The following ALDH3B1 variants were observed in gnomAD, a reference collection of about 807,000 sequenced individuals.
ALDH3B1 encodes the protein aldehyde dehydrogenase family 3 member B1.
Under a neutral mutation model 46.2 loss-of-function variants are expected in ALDH3B1, and 37 were observed. The ratio of observed to expected loss-of-function variants is 0.80; its 90% confidence interval spans 0.62 to 1.05. ALDH3B1 has a LOEUF of 1.05. ALDH3B1 is among the 50% of genes least tolerant of loss of function. ALDH3B1 has a pLI of 0.00. For synonymous variants in ALDH3B1, 283 were observed against 281.0 expected (o/e 1.01, Z -0.07); for missense variants, 603 against 665.5 (o/e 0.91, Z 1.03).
intron 6 of ALDH3B1, among the ~76,000 whole-genome samples, chr11:68,020,129 T>C (rs1857455580): frequency 6.6e-6 from 1 of 152,202 alleles, no homozygotes; most frequent in African/African-American, 2.4e-5. Flanking sequence ...GATGAGGGAC[T>C]GGGCCTCAGT....
intron 8 of ALDH3B1, among the ~76,000 whole-genome samples, 160 bp from the exon 9 acceptor site, chr11:68,025,849 G>A (rs1231852977): frequency 6.6e-6 from 1 of 152,154 alleles, no homozygotes; most frequent in Non-Finnish European, 1.5e-5. Context: ...ACAACCCCCT[G>A]CCCCACCTGT....
In ALDH3B1 at chr11:68,011,366, C is replaced by A. The variant is rs61887538; in HGVS notation, c.-2+974C>A. Among the ~76,000 whole-genome samples, 1,405 of 152,252 alleles carry A rather than the reference C, an allele frequency of 9.2e-3. 6 individuals are homozygous for A. The highest frequency in any genetic ancestry group is 0.017 in the Middle Eastern group (5 of 294). On this transcript the variant is annotated intron_variant, in intron 1 of 9. Transcript: ENST00000342456. ...TAAGGCAGAGGGGACCTGATGATGC[C>A]GGCTCAGGTGGACTGGAATCTCCTG...
intron 8 of ALDH3B1, 145 bp from the exon 9 acceptor site, chr11:68,025,864 T>A: frequency 1.9e-6 from 1 of 517,436 alleles, no homozygotes; most frequent in Non-Finnish European, 3.3e-6. Context: ...ACCTGTACCA[T>A]CACAGGCCCT....
intron 1 of ALDH3B1, among the ~76,000 whole-genome samples, chr11:68,013,109 G>A (rs889378235): frequency 2.6e-4 from 39 of 152,184 alleles, no homozygotes; most frequent in Middle Eastern, 3.4e-3. Context: ...CAGCACCCTC[G>A]GGAGATAACA....
rs760618549 is a variant in ALDH3B1 at position 68,022,644 on chromosome 11, G to A, written c.999G>A (p.Glu333=). The A allele has an allele frequency of 1.9e-6, 3 of 1,614,132 alleles. No homozygotes were observed. Among genetic ancestry groups the A allele is most frequent in the Non-Finnish European group, 8.5e-7 (1 of 1,180,030 alleles). ...DVQEMEPVMQ[E]EIFGPILPIV... is the part of the protein sequence containing the mutation. ...AGGAGATGGAGCCTGTGATGCAGGA[G>A]GAGATCTTCGGGCCCATCCTGCCCA... Residue 333 remains glutamate, a synonymous_variant, in exon 8 of 10, where the codon GAG becomes GAA. Coordinates refer to ENST00000342456, the MANE Select transcript of ALDH3B1 (RefSeq NM_000694.4).
chr11:68,017,688 G>A (rs1857381769), intron 2 of ALDH3B1: 1 of 152,308 alleles, frequency 6.6e-6, no homozygotes, highest in East Asian at 1.9e-4. Context: ...CAGTGGCCCT[G>A]GCCCCTGGGC....
Position 68,021,747 on chromosome 11 carries a change from C to A in ALDH3B1, c.825C>A (p.Asp275Glu), listed in dbSNP as rs1012013175. 2.5e-5 allele frequency: 41 copies of A among 1,614,074 alleles called. No homozygotes were observed. The African/African-American group carries it at 4.1e-4, about 16-fold the overall frequency. Residue 275 changes from aspartate (D) to glutamate (E), a missense_variant, in exon 7 of 10, where the codon GAC becomes GAA. Coordinates refer to ENST00000342456, the MANE Select transcript of ALDH3B1 (RefSeq NM_000694.4). ...QSTITRFYGD[D>E]PQSSPNLGRI... is the part of the protein sequence containing the mutation. Reference sequence around the variant, plus strand: ...CCATCACCCGTTTCTATGGCGACGACCCCCAGAGCTCCCCAAACCTGGGCC... The same window carrying A: ...CCATCACCCGTTTCTATGGCGACGAACCCCAGAGCTCCCCAAACCTGGGCC...
chr11:68,020,236 T>C (rs529260211), intron 6 of ALDH3B1, among the ~76,000 whole-genome samples: 8 of 151,994 alleles, frequency 5.3e-5, no homozygotes, highest in African/African-American at 1.7e-4. Context: ...ACTTTTTTTT[T>C]CTTTTTTTTT....
chr11:68,022,826 A>AGG (rs199673257), intron 8 of ALDH3B1, 65 bp downstream of exon 8: 37 of 1,593,426 alleles, frequency 2.3e-5, no homozygotes, highest in Non-Finnish European at 3.0e-5. Context: ...TGGTGGCAGC[A>AGG]GGGGGGGCAC....
At chr11:68,015,584 T>C (rs755515496) in intron 2 of ALDH3B1, 125 bp downstream of exon 2, 7 of 1,271,996 alleles carry the variant, frequency 5.5e-6, no homozygotes, top group Middle Eastern at 1.8e-4. Flanking sequence ...GCTCCTCCCC[T>C]AGGCCAGAGC....
rs1260944271 is a variant in ALDH3B1 at position 68,028,859 on chromosome 11, C to T, written c.*920C>T. 6.6e-6 allele frequency: 1 copy of T among 152,278 alleles called. No homozygotes were observed. Among genetic ancestry groups the T allele is most frequent in the African/African-American group, 2.4e-5 (1 of 41,402 alleles). The allele number at this position is 152,278 out of a possible 1,614,324, so 9.4% of individuals were successfully genotyped here. On this transcript the variant is annotated 3_prime_UTR_variant, in exon 10 of 10. Transcript: ENST00000342456. ...GGCTGTGGTTATGCGATAGGGTCTC[C>T]CTTCCCTCCAGCCCATGCCAGAGGA...
chr11:68,023,802 G>A (rs1366818121), intron 8 of ALDH3B1, among the ~76,000 whole-genome samples: 1 of 151,822 alleles, frequency 6.6e-6, no homozygotes, highest in East Asian at 2.0e-4. Flanking sequence ...AGCACTTTGG[G>A]AGGCCAAGGT....
upstream of ALDH3B1, among the ~76,000 whole-genome samples, chr11:68,010,122 A>T (rs1274063803): frequency 6.6e-6 from 1 of 151,932 alleles, no homozygotes; most frequent in Non-Finnish European, 1.5e-5. Context: ...CTCGGAGCTC[A>T]GCCCTGCTGT....
At chr11:68,018,450 C>A in intron 2 of ALDH3B1, 77 bp from the exon 3 acceptor site, 2 of 1,091,740 alleles carry the variant, frequency 1.8e-6, no homozygotes, top group Non-Finnish European at 1.3e-6. Context: ...TGGAAGCAGG[C>A]CCTGCCTGGA....
upstream of ALDH3B1, chr11:68,010,325 T>A (rs1475847690): frequency 6.6e-6 from 1 of 152,448 alleles, no homozygotes; most frequent in Non-Finnish European, 1.5e-5. Context: ...CGTTGGACAT[T>A]TCTTAACAGC....
chr11:68,023,066 G>A (rs1297525503), intron 8 of ALDH3B1, among the ~76,000 whole-genome samples: 1 of 152,158 alleles, frequency 6.6e-6, no homozygotes, highest in South Asian at 2.1e-4. Flanking sequence ...GGGCCTGGTG[G>A]CCACATGACC....
At chr11:68,019,900 C>G in intron 6 of ALDH3B1, 104 bp downstream of exon 6, 1 of 1,003,480 alleles carries the variant, frequency 1.0e-6, no homozygotes, top group Non-Finnish European at 1.5e-6. Flanking sequence ...GAATTCTCCT[C>G]TCTCTCTCTC....
Position 68,019,766 on chromosome 11 carries a change from G to C in ALDH3B1, c.532G>C (p.Glu178Gln), listed in dbSNP as rs757647123. ...GCCCCAGGAGACGGGGCAGCTGCTAGAGCACAGGTTCGACTACATCTTCTT... is the reference window on the plus strand; with the variant it reads ...GCCCCAGGAGACGGGGCAGCTGCTACAGCACAGGTTCGACTACATCTTCTT... Reference protein sequence around the residue: ...GGPQETGQLLEHRFDYIFFTG... With the variant: ...GGPQETGQLLQHRFDYIFFTG... Residue 178 changes from glutamate to glutamine, a missense_variant, in exon 6 of 10, where the codon GAG becomes CAG. By Grantham distance (29) the Glu-to-Gln change is conservative. Transcript: ENST00000342456. 1 of 1,614,168 alleles carries C rather than the reference G, an allele frequency of 6.2e-7. No individual in the cohort carries two copies. The highest frequency in any genetic ancestry group is 1.1e-5 in the South Asian group (1 of 91,074).
intron 2 of ALDH3B1, chr11:68,017,767 G>C: frequency 6.6e-6 from 1 of 152,338 alleles, no homozygotes; most frequent in South Asian, 2.1e-4. Flanking sequence ...TCTCCACCCT[G>C]CTCTTTGGGA....
Sources: allele counts gnomAD v4.1 joint callset (sites outside exome capture counted in the v4.1 genomes callset), GRCh38; gene constraint gnomAD v4.1.1; transcripts MANE v1.5; gene names NCBI Gene and HGNC (gene_info 2026-07-23, HGNC 2026-07-21).